The following HSD17B12 variants were observed in gnomAD, a reference collection of about 807,000 sequenced individuals.
HSD17B12 encodes hydroxysteroid 17-beta dehydrogenase 12.
A neutral mutation model predicts 39.3 loss-of-function variants in HSD17B12; 32 were observed. The observed-to-expected ratio is 0.81, with a 90% confidence interval of 0.61 to 1.09. The LOEUF (loss-of-function observed/expected upper bound fraction) is 1.09. HSD17B12 is among the 50% of genes least tolerant of loss of function. The probability of loss-of-function intolerance (pLI) is 0.00; values close to 1 mark genes in which losing one functional copy is unlikely to be tolerated. For missense variants in HSD17B12, 342 were observed against 382.9 expected (o/e 0.89, Z 0.89); for synonymous variants, 150 against 146.7 (o/e 1.02, Z -0.16).
At chr11:43,629,785 GAATTTATAAATCAACACATTCCCCTT>G in the HSD17B12 span, among the ~76,000 whole-genome samples, 1 of 152,202 alleles carries the variant, frequency 6.6e-6, no homozygotes, top group East Asian at 1.9e-4. Flanking sequence ...GTCCAGAAGG[GAATTTATAAATCAACACATTCCCCTT>G]AACTGTTAAG....
At chr11:43,838,047 C>A (rs540090392) in intron 7 of HSD17B12, 33 of 421,688 alleles carry the variant, frequency 7.8e-5, no homozygotes, top group African/African-American at 1.4e-4. Context: ...GAGATCAACT[C>A]GAGGAGACTG....
At chr11:43,753,797 T>C (rs1402511388) in intron 2 of HSD17B12, among the ~76,000 whole-genome samples, 1 of 152,092 alleles carries the variant, frequency 6.6e-6, no homozygotes, top group Non-Finnish European at 1.5e-5. Context: ...ATAGATGATA[T>C]AAAATGAAAA....
chr11:43,821,228 A>G (rs143243244), intron 6 of HSD17B12, among the ~76,000 whole-genome samples: 378 of 152,276 alleles, frequency 2.5e-3, no homozygotes, highest in Non-Finnish European at 4.1e-3. Context: ...GCTCACTTCA[A>G]TGGGCTCTCC....
At chr11:43,770,648 T>A (rs898099497) in intron 3 of HSD17B12, among the ~76,000 whole-genome samples, 1 of 152,172 alleles carries the variant, frequency 6.6e-6, no homozygotes, top group Non-Finnish European at 1.5e-5. Flanking sequence ...AGGTGGAGGA[T>A]TGCTTAAGCC....
chr11:43,711,214 G>A (rs1035759199), intron 1 of HSD17B12, among the ~76,000 whole-genome samples: 1 of 152,114 alleles, frequency 6.6e-6, no homozygotes, highest in Non-Finnish European at 1.5e-5. Context: ...TTGAAAGCTT[G>A]TTTAATATTT....
At chr11:43,719,101 T>G in intron 1 of HSD17B12, 2 of 766,208 alleles carry the variant, frequency 2.6e-6, no homozygotes, top group Non-Finnish European at 4.8e-6. Context: ...AACTGGCTCC[T>G]GATTACAATG....
At chr11:43,734,122 C>G in intron 1 of HSD17B12, 2 of 1,350,298 alleles carry the variant, frequency 1.5e-6, no homozygotes, top group Non-Finnish European at 2.1e-6. Flanking sequence ...CCGTCCATCA[C>G]TACCAAATCA....
chr11:43,591,880 C>G, the HSD17B12 span, among the ~76,000 whole-genome samples: 3 of 151,980 alleles, frequency 2.0e-5, no homozygotes, highest in Non-Finnish European at 4.4e-5. Context: ...GAAAATGTAA[C>G]TTTCCATAGG....
At chr11:43,577,038 T>G in the HSD17B12 span, among the ~76,000 whole-genome samples, 1 of 152,098 alleles carries the variant, frequency 6.6e-6, no homozygotes, top group Non-Finnish European at 1.5e-5. Flanking sequence ...ATTGCATGGA[T>G]GGGGTTGGGT....
the HSD17B12 span, among the ~76,000 whole-genome samples, chr11:43,596,024 A>C: frequency 5.9e-5 from 9 of 152,218 alleles, no homozygotes; most frequent in Admixed American, 4.6e-4. Context: ...AAGACCATCC[A>C]GCCCAAACTC....
At chr11:43,681,833 CCT>C (rs1491153046) in intron 1 of HSD17B12, among the ~76,000 whole-genome samples, 27 of 142,978 alleles carry the variant, frequency 1.9e-4, no homozygotes, top group East Asian at 5.9e-4. Flanking sequence ...CTCCCCCCCC[CCT>C]TTTTTTTTTC....
At chr11:43,565,811 G>A in the HSD17B12 span, among the ~76,000 whole-genome samples, 3 of 152,216 alleles carry the variant, frequency 2.0e-5, no homozygotes, top group African/African-American at 7.2e-5. Context: ...CATCCTAGAA[G>A]TAATTTTTTC....
chr11:43,855,338 T>C lies in HSD17B12; in HGVS notation c.*90T>C, dbSNP rs1383214535. On this transcript the variant is annotated 3_prime_UTR_variant, in exon 11 of 11. Coordinates refer to ENST00000278353, the MANE Select transcript of HSD17B12 (RefSeq NM_016142.3). ...CCTACTGGTTTTGAAAATCTGACCTTGTCATTTCAATAGTTATTAACATGA... is the reference window on the plus strand; with the variant it reads ...CCTACTGGTTTTGAAAATCTGACCTCGTCATTTCAATAGTTATTAACATGA... 4.4e-6 allele frequency: 3 copies of C among 675,844 alleles called. No individual in the cohort carries two copies. The highest frequency in any genetic ancestry group is 7.4e-6 in the Non-Finnish European group (3 of 406,684). 41.9% of individuals were successfully genotyped at this position (675,844 alleles called of 1,614,324 possible).
intron 3 of HSD17B12, among the ~76,000 whole-genome samples, chr11:43,794,526 AT>A (rs1380473254): frequency 6.6e-6 from 1 of 152,246 alleles, no homozygotes; most frequent in Non-Finnish European, 1.5e-5. Context: ...AAACTAGGGC[AT>A]TGTGAAAGAA....
the HSD17B12 span, among the ~76,000 whole-genome samples, chr11:43,583,680 T>TG: frequency 0.17 from 25,952 of 148,956 alleles, 2,374 homozygotes; most frequent in Middle Eastern, 0.26. Flanking sequence ...GAGGGCAAAG[T>TG]GGGGGGGGGT....
At chr11:43,706,308 C>T (rs1950014277) in intron 1 of HSD17B12, among the ~76,000 whole-genome samples, 1 of 152,180 alleles carries the variant, frequency 6.6e-6, no homozygotes, top group Admixed American at 6.5e-5. Context: ...CTTTGGGAGG[C>T]CGAGGTGGGC....
chr11:43,662,676 T>G, the HSD17B12 span, among the ~76,000 whole-genome samples: 1 of 152,174 alleles, frequency 6.6e-6, no homozygotes, highest in Non-Finnish European at 1.5e-5. Context: ...CACAATACAT[T>G]CCCAGAGGAA....
At chr11:43,667,237 C>T in the HSD17B12 span, among the ~76,000 whole-genome samples, 5 of 152,054 alleles carry the variant, frequency 3.3e-5, no homozygotes, top group Non-Finnish European at 7.4e-5. Context: ...TGGCAACCTC[C>T]GCCTCCCAGG....
At chr11:43,759,384 G>T (rs1950537726) in intron 3 of HSD17B12, among the ~76,000 whole-genome samples, 1 of 152,176 alleles carries the variant, frequency 6.6e-6, no homozygotes, top group Non-Finnish European at 1.5e-5. Context: ...TAAGTGCTTT[G>T]TCAGGATTGA....
Sources: gnomAD v4.1 joint callset for allele counts (sites outside exome capture counted in the v4.1 genomes callset) on GRCh38, gnomAD v4.1.1 for gene constraint, MANE v1.5 for transcripts, NCBI Gene and HGNC (gene_info 2026-07-23, HGNC 2026-07-21) for gene names.